SORL1: variants seen among roughly 807,000 people sequenced by gnomAD.
SORL1 encodes sortilin related receptor 1.
A neutral mutation model predicts 273.7 loss-of-function variants in SORL1; 127 were observed. The observed-to-expected ratio is 0.46, with a 90% CI of 0.40 to 0.54. The LOEUF is 0.54. Ranked by LOEUF, SORL1 falls within the 20% of genes least tolerant of loss-of-function variation. SORL1 has a pLI of 0.00. For synonymous variants in SORL1, 1,031 were observed against 1,067.4 expected, an observed-to-expected ratio of 0.97 and a Z score of 0.66; for missense variants, 2,494 against 2,846.1, an observed-to-expected ratio of 0.88 and a Z score of 2.81.
chr11:121,538,516 A>G (rs559254853), intron 12 of SORL1, among the ~76,000 whole-genome samples: 34 of 152,246 alleles, frequency 2.2e-4, no homozygotes, highest in African/African-American at 7.0e-4. Context: ...ACTTTAACTA[A>G]AATACCTGAG....
At chr11:121,603,553 A>G (rs918362224) in intron 32 of SORL1, among the ~76,000 whole-genome samples, 9 of 152,374 alleles carry the variant, frequency 5.9e-5, no homozygotes, top group African/African-American at 2.2e-4. Context: ...GCCTAGACAT[A>G]CAGTTGCATA....
rs1228366571 is a variant in SORL1, at chr11:121,488,159, T to C, written c.656T>C (p.Leu219Pro). Residue 219 changes from leucine to proline, a missense_variant, in exon 4 of 48, where the codon CTC becomes CCC. By Grantham distance (98) the Leu-to-Pro change is moderately conservative (BLOSUM62 -3). Transcript: ENST00000260197. Reference sequence around the variant, plus strand: ...CTACACAGTAAGGCCTCCAACCTTCTCTTGGGCTTTGACAGGTCCCACCCC... The same window carrying C: ...CTACACAGTAAGGCCTCCAACCTTCCCTTGGGCTTTGACAGGTCCCACCCC... ...LLLHSKASNLLLGFDRSHPNK... is the reference protein window; with the variant it reads ...LLLHSKASNLPLGFDRSHPNK... 4.3e-6 allele frequency: 7 copies of C among 1,614,142 alleles called. No homozygotes were observed. The highest frequency in any genetic ancestry group is 5.1e-6 in the Non-Finnish European group (6 of 1,180,018).
rs1012308867 is a variant in SORL1 at position 121,496,984 on chromosome 11, G to A, written c.874G>A (p.Val292Met). The A allele has an allele frequency of 6.2e-7, 1 of 1,614,024 alleles. No individual in the cohort carries two copies. Among genetic ancestry groups the A allele is most frequent in the African/African-American group, 1.3e-5 (1 of 74,914 alleles). Reference sequence around the variant, plus strand: ...CTTCCAGTCCCGGGAAAACCAGGAAGTGATCCTTGAGGAAGTGAGAGATTT... The same window carrying A: ...CTTCCAGTCCCGGGAAAACCAGGAAATGATCCTTGAGGAAGTGAGAGATTT... ...DFFQSRENQE[V>M]ILEEVRDFQL... The change falls in exon 6 of 48, where the codon GTG becomes ATG. Residue 292 changes from valine (V) to methionine (M), a missense_variant. Transcript: ENST00000260197.
chr11:121,478,032 CAAAAAA>C (rs55896588), intron 2 of SORL1, 80 bp from the exon 3 acceptor site: 38,066 of 1,036,640 alleles, frequency 0.037, 5 homozygotes, highest in Middle Eastern at 0.041. Context: ...AACTCAGTCT[CAAAAAA>C]AAAAAAAAAA....
intron 6 of SORL1, among the ~76,000 whole-genome samples, chr11:121,505,147 C>G (rs1442643208): frequency 6.6e-6 from 1 of 152,036 alleles, no homozygotes; most frequent in Admixed American, 6.5e-5. Context: ...TCAATCTTTT[C>G]AGTTTTTAAA....
chr11:121,602,014 T>G (rs1863400170), intron 32 of SORL1, among the ~76,000 whole-genome samples: 1 of 152,248 alleles, frequency 6.6e-6, no homozygotes. Context: ...GTCCTTCATC[T>G]GTTTTACATA....
intron 14 of SORL1, among the ~76,000 whole-genome samples, chr11:121,547,991 C>T (rs1862458808): frequency 6.6e-6 from 1 of 152,136 alleles, no homozygotes; most frequent in African/African-American, 2.4e-5. Context: ...TCCTGATTTC[C>T]ATGGTAGATT....
chr11:121,466,621 T>G (rs148568244), intron 1 of SORL1, among the ~76,000 whole-genome samples: 210 of 152,222 alleles, frequency 1.4e-3, no homozygotes, highest in African/African-American at 4.6e-3. Context: ...AGAATGCATG[T>G]CTTGATAATA....
intron 1 of SORL1, among the ~76,000 whole-genome samples, chr11:121,469,159 G>A (rs186988201): frequency 1.3e-5 from 2 of 152,146 alleles, no homozygotes; most frequent in South Asian, 2.1e-4. Flanking sequence ...CTCTGAATGC[G>A]GCCTGCGGAT....
At position 121,563,880 on chromosome 11, in the gene SORL1, A is replaced by C. The variant is rs1448736584; in HGVS notation, c.3050-3060A>C. Among the ~76,000 whole-genome samples, 1 of 152,218 alleles carries C rather than the reference A, an allele frequency of 6.6e-6. No homozygotes were observed. The highest frequency in any genetic ancestry group is 2.4e-5 in the African/African-American group (1 of 41,456). Reference sequence around the variant, plus strand: ...GAGCCTGCAGTAAGTATGTGCTTTTAAGTATCTATAATGAGGGCACATATT... The same window carrying C: ...GAGCCTGCAGTAAGTATGTGCTTTTCAGTATCTATAATGAGGGCACATATT... On this transcript the variant is annotated intron_variant, in intron 21 of 47. Coordinates refer to ENST00000260197, the MANE Select transcript of SORL1 (RefSeq NM_003105.6). The surrounding 1 kb of genome is among the most constrained non-coding windows in gnomAD (Gnocchi z 4.2).
chr11:121,536,364 A>G (rs1245815383), intron 12 of SORL1, among the ~76,000 whole-genome samples: 1 of 149,350 alleles, frequency 6.7e-6, no homozygotes, highest in Non-Finnish European at 1.5e-5. Flanking sequence ...CCCCTACTTT[A>G]TCCTAACCCC....
rs138097815 is a variant in SORL1, at chr11:121,577,123, T to C, written c.3461-158T>C. Reference sequence around the variant, plus strand: ...AGCACACTGACTGGAAGCTGTTAAATGACCTTTTGTCCCTGGTAAAAGTCT... The same window carrying C: ...AGCACACTGACTGGAAGCTGTTAAACGACCTTTTGTCCCTGGTAAAAGTCT... On this transcript the variant is annotated intron_variant, in intron 24 of 47. Coordinates refer to ENST00000260197, the MANE Select transcript of SORL1 (RefSeq NM_003105.6). 7.6e-3 allele frequency: 8,610 copies of C among 1,135,884 alleles called. 50 individuals carry two copies. Among genetic ancestry groups the C allele is most frequent in the Non-Finnish European group, 9.7e-3 (7,676 of 790,758 alleles). 70.4% of individuals were successfully genotyped at this position (1,135,884 alleles called of 1,614,324 possible).
At chr11:121,540,142 A>G (rs928038371) in intron 12 of SORL1, among the ~76,000 whole-genome samples, 2 of 152,152 alleles carry the variant, frequency 1.3e-5, no homozygotes, top group African/African-American at 4.8e-5. Context: ...TGTTCTTTAG[A>G]AACCTGAACT....
chr11:121,576,924 A>G (rs1423139677), intron 24 of SORL1: 12 of 1,535,498 alleles, frequency 7.8e-6, no homozygotes, highest in Non-Finnish European at 9.6e-6. Flanking sequence ...TGAAAGTTCT[A>G]CTTCCTGGCC....
intron 14 of SORL1, among the ~76,000 whole-genome samples, chr11:121,548,353 T>G (rs1862463169): frequency 6.6e-6 from 1 of 152,224 alleles, no homozygotes; most frequent in African/African-American, 2.4e-5. Flanking sequence ...ATGCTTTATC[T>G]GGTTCCTAAA....
intron 16 of SORL1, among the ~76,000 whole-genome samples, chr11:121,553,136 G>A (rs1319718830): frequency 6.6e-6 from 1 of 152,220 alleles, no homozygotes; most frequent in African/African-American, 2.4e-5. Context: ...TGGATCCAGA[G>A]TGCCTGGGTT....
chr11:121,585,052 C>T (rs761260837), intron 26 of SORL1, among the ~76,000 whole-genome samples: 2 of 152,238 alleles, frequency 1.3e-5, no homozygotes, highest in African/African-American at 2.4e-5. Flanking sequence ...GGCAAACTTT[C>T]TCCAAAACAA....
chr11:121,455,984 C>G (rs58224948), intron 1 of SORL1, among the ~76,000 whole-genome samples: 1 of 146,774 alleles, frequency 6.8e-6, no homozygotes, highest in Non-Finnish European at 1.5e-5. Flanking sequence ...CAGAGTGAGA[C>G]TCCATCTAAA....
chr11:121,540,414 C>A (rs563037837), intron 12 of SORL1, among the ~76,000 whole-genome samples: 3 of 151,496 alleles, frequency 2.0e-5, no homozygotes, highest in South Asian at 2.1e-4. Flanking sequence ...CGGTGGCTCA[C>A]GCCTGTAATC....
Sources: gnomAD v4.1 joint callset for allele counts (sites outside exome capture counted in the v4.1 genomes callset) on GRCh38, gnomAD v4.1.1 for gene constraint, Gnocchi (gnomAD v3.1) non-coding constraint, MANE v1.5 for transcripts, NCBI Gene and HGNC (gene_info 2026-07-23, HGNC 2026-07-21) for gene names.